Variants in ARPC2 observed in about 807,000 individuals in gnomAD.
The protein encoded by ARPC2 is actin-related protein 2/3 complex subunit 2.
Under a neutral mutation model 38.6 loss-of-function variants are expected in ARPC2, and 4 were observed. The ratio of observed to expected loss-of-function variants is 0.10; its 90% CI spans 0.05 to 0.24. The LOEUF is 0.24. ARPC2 is among the 10% of genes least tolerant of loss of function. The pLI, the probability that ARPC2 is intolerant of heterozygous loss-of-function variation, is 1.00. For synonymous variants in ARPC2, 125 were observed against 140.8 expected (o/e 0.89, Z 0.79); for missense variants, 229 against 387.3 (o/e 0.59, Z 3.43).
At chr2:218,230,234 A>AGT (rs1245173535) in intron 4 of ARPC2, among the ~76,000 whole-genome samples, 2 of 149,074 alleles carry the variant, frequency 1.3e-5, no homozygotes, top group African/African-American at 5.0e-5. Flanking sequence ...GACCTCCCAC[A>AGT]GTGCTAAGAT....
In ARPC2 at chr2:218,240,127, G is replaced by T. The variant is rs1401694922; in HGVS notation, c.549+643G>T. Among the ~76,000 whole-genome samples, 4 of 151,784 alleles carry T rather than the reference G, an allele frequency of 2.6e-5. No individual in the cohort carries two copies. The South Asian group carries it at 8.3e-4, about 32-fold the overall frequency. Reference sequence around the variant, plus strand: ...GCGCCACCACGCCCAGCTAATTTTTGTACTTTTAGTAGAGATGGGGTTTCA... The same window carrying T: ...GCGCCACCACGCCCAGCTAATTTTTTTACTTTTAGTAGAGATGGGGTTTCA... On this transcript the variant is annotated intron_variant, in intron 7 of 10. Coordinates refer to ENST00000315717, the MANE Select transcript of ARPC2 (RefSeq NM_152862.3).
chr2:218,227,031 A>T, intron 3 of ARPC2: 1 of 456,568 alleles, frequency 2.2e-6, no homozygotes, highest in South Asian at 1.5e-5. Flanking sequence ...CACCCTTTCT[A>T]CAACAAGAGT....
intron 4 of ARPC2, among the ~76,000 whole-genome samples, chr2:218,231,920 G>A (rs1436472929): frequency 1.4e-5 from 2 of 142,284 alleles, no homozygotes; most frequent in Non-Finnish European, 1.6e-5. Flanking sequence ...CCTGGGCAAC[G>A]TAGTGAGACC....
rs111391262 is a variant in ARPC2, at chr2:218,217,640, A to G, written c.74+96A>G. The G allele has an allele frequency of 4.6e-6, 6 of 1,302,648 alleles. 1 individual carries two copies. Among genetic ancestry groups the G allele is most frequent in the South Asian group, 2.6e-5 (2 of 78,084 alleles). 80.7% of individuals were successfully genotyped at this position (1,302,648 alleles called of 1,614,324 possible). A position where few individuals can be genotyped will look rare whatever the true frequency, so the allele number is the denominator to read the frequency against. ...CAGTCCCCCAGACCTGGAGGAGAGA[A>G]ATGGGGTGCCTGGCAGGGTGTAGGG... On this transcript the variant is annotated intron_variant, in intron 2 of 10. Transcript: ENST00000315717.
chr2:218,253,302 C>G (rs1223760994), intron 10 of ARPC2, among the ~76,000 whole-genome samples: 1 of 152,166 alleles, frequency 6.6e-6, no homozygotes, highest in East Asian at 1.9e-4. Context: ...AACCACCTAG[C>G]CCATCTGGAG....
chr2:218,225,392 G>A (rs1368243829), intron 2 of ARPC2, among the ~76,000 whole-genome samples: 2 of 152,190 alleles, frequency 1.3e-5, no homozygotes, highest in East Asian at 3.8e-4. Flanking sequence ...CTTTGGTGAT[G>A]TAAAGGAAGA....
intron 8 of ARPC2, 51 bp downstream of exon 8, chr2:218,245,597 G>A (rs573260995): frequency 1.7e-5 from 28 of 1,606,124 alleles, no homozygotes; most frequent in African/African-American, 1.7e-4. Context: ...AGTTCACACA[G>A]CAGAATACCT....
At chr2:218,225,829 C>A in intron 2 of ARPC2, 91 bp from the exon 3 acceptor site, 1 of 1,234,720 alleles carries the variant, frequency 8.1e-7, no homozygotes. Flanking sequence ...ATGGTCTGAT[C>A]TTAAGTGAAG....
intron 3 of ARPC2, among the ~76,000 whole-genome samples, chr2:218,228,242 A>G (rs1314736249): frequency 6.6e-6 from 1 of 152,054 alleles, no homozygotes; most frequent in Non-Finnish European, 1.5e-5. Flanking sequence ...GTCTGTACTA[A>G]AAATACAAAA....
At chr2:218,227,836 C>T (rs1219181427) in intron 3 of ARPC2, among the ~76,000 whole-genome samples, 1 of 152,172 alleles carries the variant, frequency 6.6e-6, no homozygotes, top group Non-Finnish European at 1.5e-5. Context: ...AAGTGATCCA[C>T]CCACCTCGGC....
chr2:218,225,814 A>C, intron 2 of ARPC2, 106 bp from the exon 3 acceptor site: 1 of 1,050,294 alleles, frequency 9.5e-7, no homozygotes, highest in Non-Finnish European at 1.5e-6. Context: ...TAAAATTTAT[A>C]CAGAATGGTC....
chr2:218,222,825 G>A (rs923993118), intron 2 of ARPC2, among the ~76,000 whole-genome samples: 1 of 152,178 alleles, frequency 6.6e-6, no homozygotes, highest in Non-Finnish European at 1.5e-5. Flanking sequence ...GGGCTCTTGA[G>A]GATTGGGGGT....
At chr2:218,226,179 G>C (rs1307677499) in intron 3 of ARPC2, among the ~76,000 whole-genome samples, 1 of 151,978 alleles carries the variant, frequency 6.6e-6, no homozygotes, top group African/African-American at 2.4e-5. Context: ...TGTAATCCCA[G>C]CTACTCGGAA....
intron 2 of ARPC2, among the ~76,000 whole-genome samples, chr2:218,222,284 TG>T (rs1451363585): frequency 6.6e-6 from 1 of 151,658 alleles, no homozygotes; most frequent in Non-Finnish European, 1.5e-5. Context: ...AAGAAAAAAA[TG>T]GGGAATTGGA....
At position 218,249,921 on chromosome 2, in the gene ARPC2, C is replaced by T. The variant is rs374047289; in HGVS notation, c.878C>T (p.Thr293Met). The change falls in exon 10 of 11, where the codon ACG (threonine) becomes ATG (methionine). Residue 293 changes from threonine (T) to methionine (M), a missense_variant and splice_region_variant. Physicochemically the swap from Thr to Met is moderately conservative, Grantham distance 81 (BLOSUM62 -1). Around this residue, in one of 3 missense-constraint regions of ARPC2, gnomAD observed 92 missense variants for 152.3 expected, o/e 0.60. Coordinates refer to ENST00000315717, the MANE Select transcript of ARPC2 (RefSeq NM_152862.3). ...GAGAAAAAAGAAATGAAAACAATCA[C>T]GTAAGTTAGGCAGCACCCCAGCGAC... ...DAEKKEMKTI[T>M]GKTFSSR The T allele has an allele frequency of 3.7e-6, 6 of 1,607,304 alleles. No homozygotes were observed. The highest frequency in any genetic ancestry group is 1.1e-5 in the South Asian group (1 of 89,848).
At chr2:218,230,282 T>C (rs1689601414) in intron 4 of ARPC2, among the ~76,000 whole-genome samples, 2 of 140,410 alleles carry the variant, frequency 1.4e-5, no homozygotes, top group African/African-American at 2.8e-5. Context: ...TTTTCTTTTT[T>C]TTTTCTTTTT....
In ARPC2 at chr2:218,250,663, CAAAAA is replaced by C. The variant is rs35549624; in HGVS notation, c.878+755_878+759del. 2.8e-3 allele frequency among the ~76,000 whole-genome samples: 333 copies of C among 120,158 alleles called. 2 individuals carry two copies. The highest frequency in any genetic ancestry group is 0.019 in the Middle Eastern group (4 of 206). 78.8% of individuals were successfully genotyped at this position (120,158 alleles called of 152,430 possible). ...TGAGCGACAGAGTAAGACTTAGTCT[CAAAAA>C]AAAAAAAAAAAATTTGAGGAGAGCC... is the stretch of plus-strand genomic sequence containing the variant. On this transcript the variant is annotated intron_variant, in intron 10 of 10. Transcript: ENST00000315717.
intron 2 of ARPC2, 80 bp downstream of exon 2, chr2:218,217,624 A>T: frequency 1.4e-6 from 2 of 1,406,144 alleles, no homozygotes; most frequent in Non-Finnish European, 2.0e-6. Flanking sequence ...CCAGTCCCCC[A>T]GACCTGGAGG....
chr2:218,242,285 A>G (rs758179665), intron 7 of ARPC2, among the ~76,000 whole-genome samples: 3 of 152,254 alleles, frequency 2.0e-5, no homozygotes, highest in Non-Finnish European at 2.9e-5. Context: ...ATGAAAAGCA[A>G]TAGGACCAGT....
Sources: gnomAD v4.1 joint callset for allele counts (sites outside exome capture counted in the v4.1 genomes callset) on GRCh38, gnomAD v4.1.1 for gene constraint, gnomAD v4.1.1 regional missense constraint, MANE v1.5 for transcripts, NCBI Gene and HGNC (gene_info 2026-07-23, HGNC 2026-07-21) for gene names.